XIAP: variants seen among roughly 807,000 people sequenced by gnomAD.
The protein encoded by XIAP is E3 ubiquitin-protein ligase XIAP.
XIAP carries 3 observed loss-of-function variants against 33.1 expected under a neutral mutation model. The observed-to-expected ratio is 0.09, with a 90% CI of 0.04 to 0.23. The LOEUF is 0.23. Among genes scored for constraint, XIAP ranks in the 10% least tolerant of loss-of-function variants. The pLI is 1.00. For missense variants in XIAP, 264 were observed against 363.0 expected (o/e 0.73, Z 2.22); for synonymous variants, 98 against 121.3 (o/e 0.81, Z 1.26).
intron 1 of XIAP, among the ~76,000 whole-genome samples, chrX:123,871,967 G>A (rs1265042594): frequency 9.1e-6 from 1 of 110,352 alleles, no homozygotes; most frequent in African/African-American, 3.3e-5. Flanking sequence ...TGGGTATGGT[G>A]GCACGTGCCT....
At chrX:123,878,962 A>G (rs1352845235) in intron 1 of XIAP, 1 of 114,983 alleles carries the variant, frequency 8.7e-6, no homozygotes, top group African/African-American at 3.2e-5. Flanking sequence ...TGCTGGTCTC[A>G]CTGTTAGGAT....
At chrX:123,896,729 C>T (rs1182332122) in intron 5 of XIAP, among the ~76,000 whole-genome samples, 1 of 108,618 alleles carries the variant, frequency 9.2e-6, no homozygotes, top group East Asian at 2.9e-4. Flanking sequence ...TACAGGTGTG[C>T]ACCACCATGG....
At chrX:123,866,233 C>T (rs2053133958) in intron 1 of XIAP, among the ~76,000 whole-genome samples, 1 of 108,919 alleles carries the variant, frequency 9.2e-6, no homozygotes, top group South Asian at 3.8e-4. Context: ...GCCACCACAC[C>T]CAGCCTTTTT....
chrX:123,912,914 G>A lies in XIAP; in HGVS notation c.*5733G>A. On this transcript the variant is annotated 3_prime_UTR_variant, in exon 7 of 7. Coordinates refer to ENST00000371199, the MANE Select transcript of XIAP (RefSeq NM_001167.4). ...CAAGTGATTCATCTCCCAAAGTGCT[G>A]GGATTACAGGCGTGAGCCACCACGG... 3.1e-6 allele frequency: 1 copy of A among 320,497 alleles called. No homozygotes were observed. The allele number at this position is 320,497 out of a possible 1,213,427, so 26.4% of individuals were successfully genotyped here. A position where few individuals can be genotyped will look rare whatever the true frequency, so the allele number is the denominator to read the frequency against.
chrX:123,888,822 A>G (rs1181133509), intron 3 of XIAP, 104 bp downstream of exon 3: 1 of 670,574 alleles, frequency 1.5e-6, no homozygotes, highest in Non-Finnish European at 2.4e-6. Flanking sequence ...TATGGCTTGA[A>G]ATTCATGCTA....
Position 123,910,097 on chromosome X carries a change from T to C in XIAP, c.*2916T>C, listed in dbSNP as rs975883617. ...ATTCAAGTAGTTTTGCAATAAGTACTTATCTTTATTTGTAATAATTTAGTC... is the reference window on the plus strand; with the variant it reads ...ATTCAAGTAGTTTTGCAATAAGTACCTATCTTTATTTGTAATAATTTAGTC... On this transcript the variant is annotated 3_prime_UTR_variant, in exon 7 of 7. Coordinates refer to ENST00000371199, the MANE Select transcript of XIAP (RefSeq NM_001167.4). 2.2e-5 allele frequency: 7 copies of C among 323,611 alleles called. No individual in the cohort carries two copies. Among genetic ancestry groups the C allele is most frequent in the Non-Finnish European group, 3.6e-5 (6 of 167,666 alleles). 26.7% of individuals were successfully genotyped at this position (323,611 alleles called of 1,213,427 possible). A position where few individuals can be genotyped will look rare whatever the true frequency, so the allele number is the denominator to read the frequency against.
chrX:123,883,496 CTT>C (rs137863947), intron 1 of XIAP, among the ~76,000 whole-genome samples: 75 of 64,305 alleles, frequency 1.2e-3, no homozygotes, highest in African/African-American at 2.6e-3. Context: ...CTTTTCTTTT[CTT>C]TTTTTTTTTT....
At chrX:123,870,117 G>A (rs1174943971) in intron 1 of XIAP, among the ~76,000 whole-genome samples, 3 of 112,319 alleles carry the variant, frequency 2.7e-5, no homozygotes, top group African/African-American at 9.7e-5. Flanking sequence ...GCGCCACCAC[G>A]CCCAGCTAAT....
At position 123,907,226 on chromosome X, in the gene XIAP, TTGAATG is replaced by T; in HGVS notation, c.*48_*53del. 2 of 1,080,642 alleles carry T rather than the reference TTGAATG, an allele frequency of 1.9e-6. No individual in the cohort carries two copies. The highest frequency in any genetic ancestry group is 2.6e-6 in the Non-Finnish European group (2 of 779,950). The allele number at this position is 1,080,642 out of a possible 1,213,427, so 89.1% of individuals were successfully genotyped here. ...TGTTATGTTGTTCTTATTACCCTGA[TTGAATG>T]TGTGATGTGAACTGACTTTAAGTAA... On this transcript the variant is annotated 3_prime_UTR_variant, in exon 7 of 7. Transcript: ENST00000371199.
chrX:123,884,944 C>CAAAAAAAAAAAAAAAAA (rs5903649), intron 1 of XIAP, among the ~76,000 whole-genome samples: 10 of 92,109 alleles, frequency 1.1e-4, no homozygotes, highest in African/African-American at 4.1e-4. Context: ...ATGTCATGGG[C>CAAAAAAAAAAAAAAAAA]AAAAAAAAAA....
At chrX:123,889,711 G>T (rs1446472704) in intron 3 of XIAP, among the ~76,000 whole-genome samples, 5 of 109,798 alleles carry the variant, frequency 4.6e-5, no homozygotes, top group Non-Finnish European at 9.5e-5. Flanking sequence ...TAGAGACAGG[G>T]TTTGACCATG....
At chrX:123,893,066 C>T (rs1474601724) in intron 5 of XIAP, among the ~76,000 whole-genome samples, 7 of 108,681 alleles carry the variant, frequency 6.4e-5, no homozygotes, top group African/African-American at 1.0e-4. Flanking sequence ...GTGATGCGCC[C>T]GCCTCGGCCT....
At chrX:123,904,647 G>A (rs1315088653) in intron 6 of XIAP, among the ~76,000 whole-genome samples, 1 of 111,810 alleles carries the variant, frequency 8.9e-6, no homozygotes, top group African/African-American at 3.3e-5. Flanking sequence ...CTTGAGACAG[G>A]GTCTCGCTCT....
chrX:123,896,595 T>C (rs914144243), intron 5 of XIAP, among the ~76,000 whole-genome samples: 27 of 108,285 alleles, frequency 2.5e-4, no homozygotes, highest in African/African-American at 4.0e-4. Flanking sequence ...TTTTTTTTTT[T>C]CCCAAGACGG....
In XIAP at chrX:123,912,605, A is replaced by T. The variant is rs2053614421; in HGVS notation, c.*5424A>T. On this transcript the variant is annotated 3_prime_UTR_variant, in exon 7 of 7. Coordinates refer to ENST00000371199, the MANE Select transcript of XIAP (RefSeq NM_001167.4). ...AGCTATGATCATGGCACTGCATTCC[A>T]GCCTGGGTGACAGTGCAAGACCTTG... The T allele has an allele frequency of 3.1e-6, 1 of 326,771 alleles. No homozygotes were observed. The allele number at this position is 326,771 out of a possible 1,213,427, so 26.9% of individuals were successfully genotyped here. A position where few individuals can be genotyped will look rare whatever the true frequency, so the allele number is the denominator to read the frequency against.
At chrX:123,894,875 C>A (rs989836838) in intron 5 of XIAP, among the ~76,000 whole-genome samples, 1 of 110,235 alleles carries the variant, frequency 9.1e-6, no homozygotes, top group Non-Finnish European at 1.9e-5. Context: ...ACCTGGAAGG[C>A]GGAGGTTTCT....
At chrX:123,861,589 T>A (rs1225429043) in intron 1 of XIAP, among the ~76,000 whole-genome samples, 1 of 111,961 alleles carries the variant, frequency 8.9e-6, no homozygotes, top group South Asian at 3.6e-4. Flanking sequence ...GATAGAAGAC[T>A]TTTTACTTTG....
chrX:123,865,911 CA>C (rs2053130399), intron 1 of XIAP, among the ~76,000 whole-genome samples: 1 of 108,292 alleles, frequency 9.2e-6, no homozygotes, highest in Admixed American at 1.0e-4. Flanking sequence ...TGTGCTACCA[CA>C]CCTGGCTAAT....
chrX:123,902,119 ATTGT>A (rs778975380), intron 6 of XIAP, among the ~76,000 whole-genome samples: 73 of 112,354 alleles, frequency 6.5e-4, no homozygotes, highest in Non-Finnish European at 6.4e-4. Context: ...CACGCGCTTA[ATTGT>A]TTGGCCATAA....
Sources: allele counts gnomAD v4.1 joint callset (sites outside exome capture counted in the v4.1 genomes callset), GRCh38; gene constraint gnomAD v4.1.1; transcripts MANE v1.5; gene names NCBI Gene and HGNC (gene_info 2026-07-23, HGNC 2026-07-21).